Variants in TUT4 observed in about 807,000 individuals in gnomAD.
TUT4 encodes terminal uridylyl transferase 4.
In TUT4, 36 loss-of-function variants were observed where a neutral mutation model predicts 192.2. That is an observed-to-expected ratio of 0.19 (90% CI 0.14 to 0.25). The LOEUF (loss-of-function observed/expected upper bound fraction) is 0.25. TUT4 is among the 10% of genes least tolerant of loss of function. TUT4 has a pLI of 1.00. For synonymous variants in TUT4, 618 were observed against 666.0 expected (o/e 0.93, Z 1.11); for missense variants, 1,493 against 1,957.2 (o/e 0.76, Z 4.47).
chr1:52,473,934 C>CAGT (rs758986081), intron 13 of TUT4, among the ~76,000 whole-genome samples: 23 of 152,180 alleles, frequency 1.5e-4, no homozygotes, highest in Non-Finnish European at 2.4e-4. Flanking sequence ...TGGCCAGGTG[C>CAGT]AGTAGCTCAC....
intron 15 of TUT4, among the ~76,000 whole-genome samples, chr1:52,466,499 G>A (rs1664174274): frequency 6.6e-6 from 1 of 151,478 alleles, no homozygotes; most frequent in Admixed American, 6.6e-5. Context: ...TGTGCTGGGT[G>A]TGGTGGCGCG....
In TUT4 at chr1:52,474,950, G is replaced by A; in HGVS notation, c.2609C>T (p.Ser870Phe). The A allele has an allele frequency of 6.2e-7, 1 of 1,614,184 alleles. No individual in the cohort carries two copies. The highest frequency in any genetic ancestry group is 8.5e-7 in the Non-Finnish European group (1 of 1,180,028). ...SSHQSVCTDT[S>F]ATSCNCKATE... ...AGCTTTGCAGTTGCAAGAGGTAGCA[G>A]ATGTGTCGGTGCACACACTCTGATG... Residue 870 changes from serine to phenylalanine, a missense_variant, in exon 13 of 30, where the codon TCT becomes TTT. Coordinates refer to ENST00000257177, the MANE Select transcript of TUT4 (RefSeq NM_001009881.3).
chr1:52,522,277 T>G (rs535896153), intron 2 of TUT4, among the ~76,000 whole-genome samples: 1 of 152,256 alleles, frequency 6.6e-6, no homozygotes, highest in Non-Finnish European at 1.5e-5. Flanking sequence ...CTTGGTCTAC[T>G]AGCTTCCTTA....
At chr1:52,430,879 T>C (rs1651853075) in intron 28 of TUT4, 134 bp downstream of exon 28, 3 of 985,508 alleles carry the variant, frequency 3.0e-6, no homozygotes, top group Non-Finnish European at 4.3e-6. Flanking sequence ...GAGCCCATAT[T>C]CTTAATCTTT....
At chr1:52,522,514 A>G (rs192911756) in intron 2 of TUT4, among the ~76,000 whole-genome samples, 73 of 152,356 alleles carry the variant, frequency 4.8e-4, no homozygotes, top group African/African-American at 1.4e-3. Context: ...TAAGCAGTTT[A>G]TTGAAGGTTA....
chr1:52,445,538 A>G (rs1657288970), intron 24 of TUT4, among the ~76,000 whole-genome samples: 1 of 152,230 alleles, frequency 6.6e-6, no homozygotes, highest in South Asian at 2.1e-4. Flanking sequence ...GGTGAACCTT[A>G]CAGACATGAA....
intron 20 of TUT4, among the ~76,000 whole-genome samples, chr1:52,448,413 C>A (rs1171477044): frequency 2.0e-5 from 3 of 151,882 alleles, no homozygotes; most frequent in African/African-American, 4.8e-5. Context: ...CATGGCAAAA[C>A]CCCGTCTCTA....
chr1:52,447,477 CAAAAA>C (rs576050725), intron 20 of TUT4, among the ~76,000 whole-genome samples: 1 of 113,360 alleles, frequency 8.8e-6, no homozygotes, highest in African/African-American at 3.8e-5. Context: ...AACAAAAAAA[CAAAAA>C]AAAAAAAGGA....
intron 1 of TUT4, among the ~76,000 whole-genome samples, chr1:52,546,943 A>C (rs1688229208): frequency 6.6e-6 from 1 of 151,902 alleles, no homozygotes; most frequent in Non-Finnish European, 1.5e-5. Context: ...ACCAGCCTAG[A>C]CAACATAATG....
At chr1:52,521,865 T>G (rs1381798135) in intron 2 of TUT4, among the ~76,000 whole-genome samples, 2 of 152,058 alleles carry the variant, frequency 1.3e-5, no homozygotes, top group Non-Finnish European at 2.9e-5. Flanking sequence ...CTCAGGAGGC[T>G]GAGGCAGGAG....
Position 52,431,390 on chromosome 1 carries a change from G to C in TUT4, c.4334C>G (p.Thr1445Ser), listed in dbSNP as rs1652013319. 1.2e-6 allele frequency: 2 copies of C among 1,614,142 alleles called. No homozygotes were observed. The highest frequency in any genetic ancestry group is 4.5e-5 in the East Asian group (2 of 44,894). The part of the protein sequence containing the change: ...PQNSSQSAAI[T>S]QPSSQPGSQP... ...GGATCCTGGCTGAGATGAAGGCTGA[G>C]TAATAGCAGCTGACTGGGAAGAGTT... The change falls in exon 28 of 30, where the codon ACT becomes AGT. Residue 1445 changes from threonine to serine, a missense_variant. By Grantham distance (58) the Thr-to-Ser change is moderately conservative. Transcript: ENST00000257177.
In TUT4 at chr1:52,458,298, T is replaced by TA. The variant is rs1661537445; in HGVS notation, c.3435+37_3435+38insT. The TA allele has an allele frequency of 4.0e-6, 6 of 1,512,086 alleles. No individual in the cohort carries two copies. The African/African-American group carries it at 7.0e-5, about 18-fold the overall frequency. The allele number at this position is 1,512,086 out of a possible 1,614,324, so 93.7% of individuals were successfully genotyped here. A position where few individuals can be genotyped will look rare whatever the true frequency, so the allele number is the denominator to read the frequency against. ...TCTCCTGTGTTTAGATCTATTGTTT[T>TA]CAAAAAAAACTCCTTTATAGTTTTC... On this transcript the variant is annotated intron_variant, in intron 20 of 29. Transcript: ENST00000257177.
intron 1 of TUT4, among the ~76,000 whole-genome samples, chr1:52,527,807 A>T (rs371835942): frequency 6.6e-5 from 10 of 152,118 alleles, no homozygotes; most frequent in Non-Finnish European, 1.3e-4. Flanking sequence ...GGGGGAGGCT[A>T]TGCATGTGTG....
chr1:52,430,934 T>G, intron 28 of TUT4, 79 bp downstream of exon 28: 4 of 1,458,176 alleles, frequency 2.7e-6, no homozygotes, highest in Non-Finnish European at 3.7e-6. Flanking sequence ...CTTTCCTTCT[T>G]TTTCCTCACA....
intron 20 of TUT4, among the ~76,000 whole-genome samples, chr1:52,453,969 T>C (rs1206230252): frequency 1.3e-5 from 2 of 152,142 alleles, no homozygotes; most frequent in East Asian, 1.9e-4. Context: ...AGAAATACAA[T>C]ACCATTTACA....
intron 20 of TUT4, among the ~76,000 whole-genome samples, chr1:52,448,900 T>C (rs995109030): frequency 6.6e-6 from 1 of 152,224 alleles, no homozygotes; most frequent in African/African-American, 2.4e-5. Flanking sequence ...GTAATATCCA[T>C]GATCCAGCCC....
At position 52,515,590 on chromosome 1, in the gene TUT4, C is replaced by A. The variant is rs890508446; in HGVS notation, c.882+301G>T. 6.1e-5 allele frequency: 29 copies of A among 477,322 alleles called. No individual in the cohort carries two copies. In the South Asian group the frequency reaches 1.2e-3, roughly 19 times the overall value. The allele number at this position is 477,322 out of a possible 1,614,324, so 29.6% of individuals were successfully genotyped here. A position where few individuals can be genotyped will look rare whatever the true frequency, so the allele number is the denominator to read the frequency against. On this transcript the variant is annotated intron_variant, in intron 3 of 29. Coordinates refer to ENST00000257177, the MANE Select transcript of TUT4 (RefSeq NM_001009881.3). ...GGCTATATTCCAATAAAATGTTTAC[C>A]AAAAACGGTGGGGAGACTAGGTGTA... is the stretch of plus-strand genomic sequence containing the variant.
At chr1:52,469,076 G>C (rs993562291) in intron 14 of TUT4, among the ~76,000 whole-genome samples, 5 of 152,068 alleles carry the variant, frequency 3.3e-5, no homozygotes, top group African/African-American at 1.2e-4. Flanking sequence ...CTTGTTTTAG[G>C]GCAGTGAAAC....
chr1:52,517,227 C>T (rs573492131), intron 2 of TUT4, among the ~76,000 whole-genome samples: 3 of 152,208 alleles, frequency 2.0e-5, no homozygotes, highest in African/African-American at 4.8e-5. Flanking sequence ...TGTATCTGTC[C>T]CCTACATTAG....
Sources: allele counts gnomAD v4.1 joint callset (sites outside exome capture counted in the v4.1 genomes callset), GRCh38; gene constraint gnomAD v4.1.1; transcripts MANE v1.5; gene names NCBI Gene and HGNC (gene_info 2026-07-23, HGNC 2026-07-21).